The following NKAIN2 variants were observed in gnomAD, a reference collection of about 807,000 sequenced individuals.
NKAIN2 encodes sodium/potassium-transporting ATPase subunit beta-1-interacting protein 2.
A neutral mutation model predicts 32.6 loss-of-function variants in NKAIN2; 14 were observed. That is an observed-to-expected ratio of 0.43 (90% CI 0.28 to 0.67). The LOEUF is 0.67. Among genes scored for constraint, NKAIN2 ranks in the 30% least tolerant of loss-of-function variants. NKAIN2 has a pLI of 0.17. For synonymous variants in NKAIN2, 80 were observed against 87.2 expected (o/e 0.92, Z 0.46); for missense variants, 198 against 258.3 (o/e 0.77, Z 1.60).
chr6:124,723,028 C>T (rs983213369), intron 4 of NKAIN2, among the ~76,000 whole-genome samples: 1 of 152,210 alleles, frequency 6.6e-6, no homozygotes, highest in East Asian at 1.9e-4. Context: ...AATATGTTAA[C>T]GGGTGCCTGA....
intron 4 of NKAIN2, among the ~76,000 whole-genome samples, chr6:124,769,717 A>C (rs1778667226): frequency 6.6e-6 from 1 of 152,192 alleles, no homozygotes; most frequent in African/African-American, 2.4e-5. Flanking sequence ...AAATGCATTC[A>C]CGACATTTGA....
chr6:124,430,720 G>A (rs554792319), intron 3 of NKAIN2, among the ~76,000 whole-genome samples: 1 of 152,194 alleles, frequency 6.6e-6, no homozygotes, highest in South Asian at 2.1e-4. Flanking sequence ...CAGTAATCAT[G>A]CAGTATTATT....
chr6:124,016,140 C>T (rs952801992), intron 1 of NKAIN2, among the ~76,000 whole-genome samples: 1 of 151,818 alleles, frequency 6.6e-6, no homozygotes, highest in South Asian at 2.1e-4. Flanking sequence ...TAAAAAGTGC[C>T]AATACCAGAC....
intron 1 of NKAIN2, among the ~76,000 whole-genome samples, chr6:123,968,540 G>C (rs1562283155): frequency 6.6e-6 from 1 of 152,136 alleles, no homozygotes; most frequent in Non-Finnish European, 1.5e-5. Context: ...GCCATGTAGT[G>C]ATTTTCCAAA....
intron 1 of NKAIN2, among the ~76,000 whole-genome samples, chr6:124,262,599 G>A (rs1449138204): frequency 1.3e-5 from 2 of 152,166 alleles, no homozygotes; most frequent in African/African-American, 4.8e-5. Context: ...GGGTAAGTGG[G>A]ATGAGAGCTT....
intron 4 of NKAIN2, among the ~76,000 whole-genome samples, chr6:124,744,555 G>A (rs1013751897): frequency 4.0e-5 from 6 of 151,532 alleles, no homozygotes; most frequent in Admixed American, 3.3e-4. Context: ...GGGGTAGGGC[G>A]AGATCTTACT....
At chr6:124,354,724 A>G (rs2025220) in intron 2 of NKAIN2, among the ~76,000 whole-genome samples, 24,088 of 152,034 alleles carry the variant, frequency 0.16, 2,298 homozygotes, top group African/African-American at 0.26. Flanking sequence ...TTAGATGTCT[A>G]GAAACTATAA....
At chr6:123,901,064 G>A (rs1273793242) in intron 1 of NKAIN2, among the ~76,000 whole-genome samples, 1 of 151,958 alleles carries the variant, frequency 6.6e-6, no homozygotes, top group East Asian at 1.9e-4. Flanking sequence ...TTGCATCCTC[G>A]GTTGTCTTCT....
intron 1 of NKAIN2, among the ~76,000 whole-genome samples, chr6:124,105,603 T>C (rs950153619): frequency 6.6e-6 from 1 of 152,152 alleles, no homozygotes; most frequent in African/African-American, 2.4e-5. Context: ...TATTCCAATA[T>C]AGATTGATTT....
intron 4 of NKAIN2, among the ~76,000 whole-genome samples, chr6:124,705,354 A>C (rs1432434079): frequency 2.0e-5 from 3 of 152,136 alleles, no homozygotes; most frequent in African/African-American, 7.2e-5. Flanking sequence ...GAGAGGAATA[A>C]TCTGCTGTTA....
rs929755660 is a variant in NKAIN2, at chr6:124,260,614, A to G, written c.55-22391A>G. ...AGAGAAGGGGGTGGTGAGACAAATC[A>G]GGAGACTGGGGCCATTTGCAGGAGG... On this transcript the variant is annotated intron_variant, in intron 1 of 6. Transcript: ENST00000368417. 5.3e-5 allele frequency among the ~76,000 whole-genome samples: 8 copies of G among 152,142 alleles called. No individual in the cohort carries two copies. The East Asian group carries it at 1.4e-3, about 26-fold the overall frequency.
At chr6:124,069,533 T>C (rs896447930) in intron 1 of NKAIN2, among the ~76,000 whole-genome samples, 1 of 152,134 alleles carries the variant, frequency 6.6e-6, no homozygotes, top group Non-Finnish European at 1.5e-5. Context: ...GAATTTTCAA[T>C]TGTGTAGTCC....
At chr6:124,281,573 A>G (rs1340743807) in intron 1 of NKAIN2, among the ~76,000 whole-genome samples, 1 of 152,186 alleles carries the variant, frequency 6.6e-6, no homozygotes, top group African/African-American at 2.4e-5. Flanking sequence ...GGGTATAACA[A>G]ATCAAGGTTC....
intron 4 of NKAIN2, among the ~76,000 whole-genome samples, chr6:124,739,801 G>T (rs182304791): frequency 6.6e-6 from 1 of 151,868 alleles, no homozygotes; most frequent in Non-Finnish European, 1.5e-5. Flanking sequence ...AAAACAGCCC[G>T]TGTGTTCCTG....
intron 3 of NKAIN2, among the ~76,000 whole-genome samples, chr6:124,419,596 A>C (rs1774654505): frequency 6.6e-6 from 1 of 152,290 alleles, no homozygotes. Flanking sequence ...CTATGATCCA[A>C]ATTAACTCTT....
chr6:124,553,419 T>C (rs1780362934), intron 3 of NKAIN2, among the ~76,000 whole-genome samples: 1 of 152,212 alleles, frequency 6.6e-6, no homozygotes, highest in Non-Finnish European at 1.5e-5. Context: ...GCGATTCTCC[T>C]GCCTCAGCCT....
At chr6:124,422,219 A>G (rs1370714264) in intron 3 of NKAIN2, among the ~76,000 whole-genome samples, 3 of 152,144 alleles carry the variant, frequency 2.0e-5, no homozygotes, top group African/African-American at 7.2e-5. Flanking sequence ...TGAACTTTTT[A>G]TATAATGGCA....
intron 1 of NKAIN2, among the ~76,000 whole-genome samples, chr6:124,160,314 A>G (rs748199757): frequency 6.6e-6 from 1 of 152,180 alleles, no homozygotes; most frequent in Non-Finnish European, 1.5e-5. Context: ...CTAAGATCCA[A>G]TAGCTTGCAA....
intron 5 of NKAIN2, among the ~76,000 whole-genome samples, chr6:124,810,004 G>A (rs1255357538): frequency 6.6e-6 from 1 of 152,158 alleles, no homozygotes; most frequent in Non-Finnish European, 1.5e-5. Context: ...GAGAGGATGT[G>A]GAGAAATAGG....
Sources: allele counts gnomAD v4.1 joint callset (sites outside exome capture counted in the v4.1 genomes callset), GRCh38; gene constraint gnomAD v4.1.1; transcripts MANE v1.5; gene names NCBI Gene and HGNC (gene_info 2026-07-23, HGNC 2026-07-21).